FLYWCH1: variants seen among roughly 807,000 people sequenced by gnomAD.
FLYWCH1 encodes the protein FLYWCH-type zinc finger-containing protein 1.
In FLYWCH1, 75 loss-of-function variants were observed where a neutral mutation model predicts 66.4. The ratio of observed to expected loss-of-function variants is 1.13; its 90% CI spans 0.94 to 1.37. The LOEUF (loss-of-function observed/expected upper bound fraction) is 1.37. FLYWCH1 is among the 40% of genes most tolerant of loss of function. The pLI, the probability that FLYWCH1 is intolerant of heterozygous loss-of-function variation, is 0.00. For missense variants in FLYWCH1, 1,334 were observed against 1,001.8 expected, an observed-to-expected ratio of 1.33 and a Z score of -4.48; for synonymous variants, 595 against 429.9, an observed-to-expected ratio of 1.38 and a Z score of -4.75.
chr16:2,933,297 C>T lies in FLYWCH1; in HGVS notation c.964C>T (p.Arg322Trp), dbSNP rs750659441. The T allele has an allele frequency of 5.6e-5, 91 of 1,611,564 alleles. 1 individual carries two copies. Among genetic ancestry groups the T allele is most frequent in the Non-Finnish European group, 7.2e-5 (85 of 1,179,306 alleles). ...CRSRAITQGQ[R>W]VTVMRGHCHQ... ...GAGCCGGGCCATCACCCAGGGACAG[C>T]GGGTGACTGTGATGCGTGGGCACTG... The change falls in exon 5 of 10, where the codon CGG (arginine) becomes TGG (tryptophan). Residue 322 changes from arginine to tryptophan, a missense_variant. Physicochemically the swap from Arg to Trp is moderately radical, Grantham distance 101. Coordinates refer to ENST00000253928, the MANE Select transcript of FLYWCH1 (RefSeq NM_001308068.2).
intron 2 of FLYWCH1, among the ~76,000 whole-genome samples, chr16:2,917,328 C>A (rs1441534598): frequency 6.7e-6 from 1 of 149,714 alleles, no homozygotes; most frequent in Non-Finnish European, 1.5e-5. Context: ...CTCCCGGGTA[C>A]AAGCGATTCT....
chr16:2,934,937 T>C (rs12596743), intron 6 of FLYWCH1: 43,219 of 170,324 alleles, frequency 0.25, 8,085 homozygotes, highest in African/African-American at 0.52. Flanking sequence ...TTTTTTTTTT[T>C]CTTTGAGACG....
At chr16:2,932,727 A>T (rs2070811265) in intron 4 of FLYWCH1, among the ~76,000 whole-genome samples, 1 of 152,204 alleles carries the variant, frequency 6.6e-6, no homozygotes. Flanking sequence ...ACCTAAAAAA[A>T]ATATGAGCAG....
chr16:2,936,445 C>T (rs1453996854), intron 6 of FLYWCH1: 1 of 450,218 alleles, frequency 2.2e-6, no homozygotes, highest in Non-Finnish European at 4.5e-6. Context: ...CAGCCAGACA[C>T]CCTCCCGCCC....
intron 2 of FLYWCH1, among the ~76,000 whole-genome samples, chr16:2,927,296 G>A (rs1166579010): frequency 6.6e-6 from 1 of 152,216 alleles, no homozygotes; most frequent in Non-Finnish European, 1.5e-5. Context: ...GAGATCTTGA[G>A]GCGTGGCAGT....
intron 1 of FLYWCH1, among the ~76,000 whole-genome samples, chr16:2,913,426 C>T (rs1230685960): frequency 6.6e-6 from 1 of 152,108 alleles, no homozygotes. Context: ...ATTGGCCAAG[C>T]TCTCCCTTTC....
intron 9 of FLYWCH1, among the ~76,000 whole-genome samples, chr16:2,945,768 T>A (rs372281383): frequency 3.6e-4 from 54 of 151,892 alleles, no homozygotes; most frequent in Admixed American, 8.5e-4. Flanking sequence ...GAGGCCAAGG[T>A]GGGCAGATCA....
chr16:2,940,084 G>T lies in FLYWCH1; in HGVS notation c.2103G>T (p.Gln701His), dbSNP rs372037701. 2 of 1,345,868 alleles carry T rather than the reference G, an allele frequency of 1.5e-6. No individual in the cohort carries two copies. The highest frequency in any genetic ancestry group is 2.3e-5 in the East Asian group (1 of 43,616). The allele number at this position is 1,345,868 out of a possible 1,614,324, so 83.4% of individuals were successfully genotyped here. ...CFKTCSPESQ[Q>H]IYGDIKDVRL... The stretch of plus-strand genomic sequence containing the variant: ...AGACGTGTTCTCCTGAAAGCCAGCA[G>T]ATTTATGGGTAATTGTATTTGTTAT... Residue 701 changes from glutamine to histidine, a missense_variant, in exon 9 of 10, where the codon CAG becomes CAT. Coordinates refer to ENST00000253928, the MANE Select transcript of FLYWCH1 (RefSeq NM_001308068.2).
At chr16:2,929,109 G>C (rs2070670436) in intron 2 of FLYWCH1, among the ~76,000 whole-genome samples, 1 of 152,234 alleles carries the variant, frequency 6.6e-6, no homozygotes, top group Non-Finnish European at 1.5e-5. Context: ...TGGCGTCCTG[G>C]TGAAGCACAT....
At chr16:2,916,657 AAAAT>A (rs1355508928) in intron 2 of FLYWCH1, among the ~76,000 whole-genome samples, 3 of 151,816 alleles carry the variant, frequency 2.0e-5, no homozygotes, top group Non-Finnish European at 4.4e-5. Context: ...AACAAAACAA[AAAAT>A]AAAAAAAAGA....
rs770751664 is a variant in FLYWCH1 at position 2,933,730 on chromosome 16, C to G, written c.1264C>G (p.Leu422Val). 1.9e-6 allele frequency: 3 copies of G among 1,612,836 alleles called. No individual in the cohort carries two copies. Among genetic ancestry groups the G allele is most frequent in the Non-Finnish European group, 2.5e-6 (3 of 1,179,424 alleles). ...MDADPGGPEF[L>V]KTPLGGSFLV... ...AACCTCCCCAGGAGGCCCTGAGTTCCTGAAGACGCCCCTGGGGGGCAGCTT... is the reference window on the plus strand; with the variant it reads ...AACCTCCCCAGGAGGCCCTGAGTTCGTGAAGACGCCCCTGGGGGGCAGCTT... The change falls in exon 6 of 10, where the codon CTG (leucine) becomes GTG (valine). Residue 422 changes from leucine (L) to valine (V), a missense_variant. Physicochemically the swap from Leu to Val is conservative, Grantham distance 32 (BLOSUM62 1). Transcript: ENST00000253928.
At position 2,937,461 on chromosome 16, in the gene FLYWCH1, C is replaced by CACGCTGGCTG. The variant is rs368525062; in HGVS notation, c.1777+77_1777+78insACGCTGGCTG. Reference sequence around the variant, plus strand: ...CCCCACACGCTGGCTGGAGGCTGCCCGTGGGGTGTTGTGTGTTGTGCATGG... The same window carrying CACGCTGGCTG: ...CCCCACACGCTGGCTGGAGGCTGCCCACGCTGGCTGGTGGGGTGTTGTGTGTTGTGCATGG... On this transcript the variant is annotated intron_variant, in intron 7 of 9. Transcript: ENST00000253928. 2.1e-6 allele frequency: 3 copies of CACGCTGGCTG among 1,438,800 alleles called. No individual in the cohort carries two copies. The African/African-American group carries it at 4.3e-5, about 21-fold the overall frequency. The allele number at this position is 1,438,800 out of a possible 1,614,324, so 89.1% of individuals were successfully genotyped here.
intron 4 of FLYWCH1, among the ~76,000 whole-genome samples, chr16:2,932,818 C>A (rs1350754561): frequency 1.3e-5 from 2 of 151,552 alleles, no homozygotes; most frequent in East Asian, 3.9e-4. Flanking sequence ...ATTGAGCAGG[C>A]CTGAGCTGGG....
At chr16:2,940,182 G>T (rs2071203769) in intron 9 of FLYWCH1, 90 bp downstream of exon 9, 2 of 714,498 alleles carry the variant, frequency 2.8e-6, no homozygotes, top group Admixed American at 4.3e-5. Flanking sequence ...CTCAGCTTTT[G>T]TGGGTCAACA....
Position 2,924,058 on chromosome 16 carries a change from C to T in FLYWCH1, c.-73-5555C>T, listed in dbSNP as rs560152097. Reference sequence around the variant, plus strand: ...CAAAAAGGTAAAAAGCTGGCCGGCACGGTGACTCACGCCGGTAATCCCAGT... The same window carrying T: ...CAAAAAGGTAAAAAGCTGGCCGGCATGGTGACTCACGCCGGTAATCCCAGT... On this transcript the variant is annotated intron_variant, in intron 2 of 9. Transcript: ENST00000253928. Among the ~76,000 whole-genome samples the T allele has an allele frequency of 3.9e-4, 60 of 152,070 alleles. 2 individuals are homozygous for T. In the South Asian group the frequency reaches 9.8e-3, roughly 25 times the overall value.
chr16:2,918,695 C>T (rs2070261927), intron 2 of FLYWCH1, among the ~76,000 whole-genome samples: 1 of 152,162 alleles, frequency 6.6e-6, no homozygotes, highest in African/African-American at 2.4e-5. Flanking sequence ...CCTGCCTCGG[C>T]CTCCCAAAGT....
chr16:2,932,880 G>A (rs2074364), intron 4 of FLYWCH1, among the ~76,000 whole-genome samples: 68,000 of 150,942 alleles, frequency 0.45, 15,841 homozygotes, highest in African/African-American at 0.54. Flanking sequence ...TGGGTCACTC[G>A]GTGGTAGGGG....
In FLYWCH1 at chr16:2,933,504, C is replaced by A; in HGVS notation, c.1171C>A (p.Arg391=). ...TCTCACCAGGCCTCGGCCCAGAAAG[C>A]GAGCAAAGGTCGAAGACCAGGAGCT... ...LTLTRPRPRK[R]AKVEDQELPT... The change falls in exon 5 of 10, where the codon CGA becomes AGA. Residue 391 remains arginine (R), a synonymous_variant. Transcript: ENST00000253928. The A allele has an allele frequency of 6.2e-7, 1 of 1,611,500 alleles. No individual in the cohort carries two copies. The highest frequency in any genetic ancestry group is 8.5e-7 in the Non-Finnish European group (1 of 1,179,064).
chr16:2,930,731 T>C lies in FLYWCH1; in HGVS notation c.647T>C (p.Leu216Pro). The change falls in exon 4 of 10, where the codon CTG becomes CCG. Residue 216 changes from leucine (L) to proline (P), a missense_variant. Transcript: ENST00000253928. ...EGPGGRVEEP[L>P]EGVGPWQCPE... The stretch of plus-strand genomic sequence containing the variant: ...CCTGGAGGCCGAGTGGAGGAGCCCC[T>C]GGAGGGGGTGGGCCCGTGGCAGTGC... 2 of 1,552,252 alleles carry C rather than the reference T, an allele frequency of 1.3e-6. No individual in the cohort carries two copies. The highest frequency in any genetic ancestry group is 1.7e-6 in the Non-Finnish European group (2 of 1,153,142).
Sources: gnomAD v4.1 joint callset for allele counts (sites outside exome capture counted in the v4.1 genomes callset) on GRCh38, gnomAD v4.1.1 for gene constraint, MANE v1.5 for transcripts, NCBI Gene and HGNC (gene_info 2026-07-23, HGNC 2026-07-21) for gene names.